Variants in DISC1 observed in about 807,000 individuals in gnomAD.
DISC1 encodes the protein disrupted in schizophrenia 1 protein.
In DISC1, 57 loss-of-function variants were observed where a neutral mutation model predicts 84.5. That is an observed-to-expected ratio of 0.67 (90% CI 0.55 to 0.84). DISC1 has a LOEUF of 0.84. DISC1 is among the 40% of genes least tolerant of loss of function. The probability of loss-of-function intolerance (pLI) is 0.00; values close to 1 mark genes in which losing one functional copy is unlikely to be tolerated. For synonymous variants in DISC1, 411 were observed against 415.2 expected (o/e 0.99, Z 0.12); for missense variants, 1,000 against 1,057.8 (o/e 0.95, Z 0.76).
At position 231,969,049 on chromosome 1, in the gene DISC1, C is replaced by T. The variant is rs1046386020; in HGVS notation, c.2042+10161C>T. Among the ~76,000 whole-genome samples, 19 of 152,160 alleles carry T rather than the reference C, an allele frequency of 1.2e-4. No individual in the cohort carries two copies. In the East Asian group the frequency reaches 3.7e-3, roughly 29 times the overall value. On this transcript the variant is annotated intron_variant, in intron 10 of 12. Transcript: ENST00000439617. ...AACCAAGAAACTCTACATTAAAAAA[C>T]AAGTTTTATTTTATAAAAACAGAAG...
At chr1:231,645,966 C>T (rs554843670) in intron 1 of DISC1, among the ~76,000 whole-genome samples, 1 of 148,878 alleles carries the variant, frequency 6.7e-6, no homozygotes, top group South Asian at 2.1e-4. Flanking sequence ...AGAAGAAAAA[C>T]AAGGAAATAG....
At chr1:231,652,263 C>T (rs896197538) in intron 1 of DISC1, among the ~76,000 whole-genome samples, 5 of 152,210 alleles carry the variant, frequency 3.3e-5, no homozygotes, top group Non-Finnish European at 5.9e-5. Context: ...ATGAGAATAA[C>T]TGTGAAATGT....
intron 1 of DISC1, among the ~76,000 whole-genome samples, chr1:231,673,928 CAT>C (rs1261061578): frequency 1.3e-5 from 2 of 152,212 alleles, no homozygotes; most frequent in African/African-American, 4.8e-5. Context: ...TGCTCTAAGA[CAT>C]GTGCATTTAT....
At chr1:231,906,710 T>C (rs189050021) in intron 9 of DISC1, among the ~76,000 whole-genome samples, 61 of 147,412 alleles carry the variant, frequency 4.1e-4, no homozygotes, top group African/African-American at 1.5e-3. Flanking sequence ...CTTGCCCTTA[T>C]TGCTCCACCG....
rs144586114 is a variant in DISC1 at position 231,988,830 on chromosome 1, G to A, written c.2043-19955G>A. The stretch of plus-strand genomic sequence containing the variant: ...ACAATTTGTATATAATTTCAATGGT[G>A]CAAGTTCCGTGGACTTCAATGACAC... On this transcript the variant is annotated intron_variant, in intron 10 of 12. Transcript: ENST00000439617. Among the ~76,000 whole-genome samples, 1,505 of 152,326 alleles carry A rather than the reference G, an allele frequency of 9.9e-3. 19 individuals are homozygous for A. The highest frequency in any genetic ancestry group is 0.017 in the Middle Eastern group (5 of 294).
At chr1:231,667,130 C>A (rs994053590) in intron 1 of DISC1, among the ~76,000 whole-genome samples, 3 of 152,148 alleles carry the variant, frequency 2.0e-5, no homozygotes, top group Non-Finnish European at 4.4e-5. Flanking sequence ...GATCTACTAC[C>A]CCTTAAAAGA....
At chr1:231,782,721 T>G (rs1309371583) in intron 6 of DISC1, among the ~76,000 whole-genome samples, 1 of 152,028 alleles carries the variant, frequency 6.6e-6, no homozygotes, top group Non-Finnish European at 1.5e-5. Flanking sequence ...GAGGATCACT[T>G]GAGGTCAGGC....
intron 10 of DISC1, among the ~76,000 whole-genome samples, chr1:231,982,793 A>G (rs1216113355): frequency 6.6e-6 from 1 of 152,136 alleles, no homozygotes; most frequent in Non-Finnish European, 1.5e-5. Flanking sequence ...TGAAGAACAA[A>G]ATGAAAGCTG....
intron 6 of DISC1, among the ~76,000 whole-genome samples, chr1:231,778,381 T>C (rs1573740692): frequency 6.6e-6 from 1 of 152,322 alleles, no homozygotes; most frequent in South Asian, 2.1e-4. Flanking sequence ...TGAAATAAGT[T>C]AAAATAAGCT....
intron 10 of DISC1, among the ~76,000 whole-genome samples, chr1:232,004,146 AAAC>A (rs1667046711): frequency 6.6e-6 from 1 of 151,946 alleles, no homozygotes; most frequent in Non-Finnish European, 1.5e-5. Flanking sequence ...ATGAAAAAGA[AAAC>A]AAATGAGTTA....
At chr1:231,995,588 G>C in intron 10 of DISC1, among the ~76,000 whole-genome samples, 1 of 152,180 alleles carries the variant, frequency 6.6e-6, no homozygotes, top group African/African-American at 2.4e-5. Context: ...AGAACATGCG[G>C]TGTTTGGTTT....
At chr1:231,685,181 T>C (rs2064121606) in intron 1 of DISC1, 1 of 152,270 alleles carries the variant, frequency 6.6e-6, no homozygotes, top group South Asian at 2.1e-4. Context: ...TGCGTAGAAC[T>C]CTCCCTCTCT....
intron 9 of DISC1, chr1:231,819,138 G>A (rs1164679011): frequency 5.1e-6 from 5 of 985,954 alleles, no homozygotes; most frequent in Non-Finnish European, 2.4e-6. Flanking sequence ...CTGGTTCAGT[G>A]CAAATTGAGA....
rs1558365538 is a variant in DISC1 at position 231,698,605 on chromosome 1, T to TCAGGG, written c.1048-3348_1048-3344dup. On this transcript the variant is annotated intron_variant, in intron 2 of 12. Transcript: ENST00000439617. This position sits in a 1 kb window ranked among gnomAD's most constrained non-coding sequence, Gnocchi z 4.9. ...TCAGACATATCTCAGGGCAGTCCAT[T>TCAGGG]CAGGGCCTTATAGAGATCACTGGAC... Among the ~76,000 whole-genome samples the TCAGGG allele has an allele frequency of 6.7e-6, 1 of 150,336 alleles. No individual in the cohort carries two copies. The highest frequency in any genetic ancestry group is 1.5e-5 in the Non-Finnish European group (1 of 66,860).
intron 12 of DISC1, among the ~76,000 whole-genome samples, chr1:232,030,458 A>C (rs759759452): frequency 2.6e-5 from 4 of 152,246 alleles, no homozygotes; most frequent in Non-Finnish European, 5.9e-5. Context: ...CCTGGCCCTC[A>C]GTCATAGACG....
At chr1:231,673,259 C>T (rs2062798643) in intron 1 of DISC1, among the ~76,000 whole-genome samples, 2 of 152,148 alleles carry the variant, frequency 1.3e-5, no homozygotes, top group East Asian at 1.9e-4. Flanking sequence ...GTGTGCTGTC[C>T]CCTGGAGGTG....
chr1:231,814,855 A>G (rs1258740626), intron 8 of DISC1: 2 of 151,972 alleles, frequency 1.3e-5, no homozygotes, highest in African/African-American at 2.4e-5. Context: ...AAAATAATCC[A>G]GTTATAACCA....
At chr1:231,841,083 C>T (rs943379400) in intron 9 of DISC1, among the ~76,000 whole-genome samples, 3 of 152,018 alleles carry the variant, frequency 2.0e-5, no homozygotes, top group African/African-American at 7.3e-5. Context: ...AATTTTGAGG[C>T]CTGACATGAT....
intron 9 of DISC1, among the ~76,000 whole-genome samples, chr1:231,844,749 C>A (rs569943468): frequency 6.6e-6 from 1 of 151,736 alleles, no homozygotes; most frequent in South Asian, 2.1e-4. Context: ...ACACGTGAAA[C>A]CCCGTCTCTA....
Sources: allele counts gnomAD v4.1 joint callset (sites outside exome capture counted in the v4.1 genomes callset), GRCh38; gene constraint gnomAD v4.1.1; non-coding constraint Gnocchi (gnomAD v3.1); transcripts MANE v1.5; gene names NCBI Gene and HGNC (gene_info 2026-07-23, HGNC 2026-07-21).